Variants in EXOC6 observed in about 807,000 individuals in gnomAD.
EXOC6 encodes the protein SEC15-like 1.
EXOC6 carries 60 observed loss-of-function variants against 112.5 expected under a neutral mutation model. The observed-to-expected ratio is 0.53, with a 90% CI of 0.43 to 0.66. The LOEUF (loss-of-function observed/expected upper bound fraction) is 0.66, where lower values mean the gene tolerates loss of function less well. Ranked by LOEUF, EXOC6 falls within the 30% of genes least tolerant of loss-of-function variation. The pLI is 0.00. For synonymous variants in EXOC6, 295 were observed against 308.0 expected, an observed-to-expected ratio of 0.96 and a Z score of 0.44; for missense variants, 855 against 957.1, an observed-to-expected ratio of 0.89 and a Z score of 1.41.
intron 18 of EXOC6, among the ~76,000 whole-genome samples, chr10:92,975,374 C>T (rs1481412424): frequency 3.3e-5 from 5 of 151,434 alleles, no homozygotes; most frequent in South Asian, 2.1e-4. Flanking sequence ...GCCCGGCAGC[C>T]GCCCCGTCTG....
chr10:93,026,234 A>C (rs373434586), intron 20 of EXOC6, among the ~76,000 whole-genome samples: 6 of 152,186 alleles, frequency 3.9e-5, no homozygotes, highest in African/African-American at 1.4e-4. Context: ...ACATATGCAC[A>C]CATTTCCGTT....
At chr10:92,880,903 C>A (rs905704645) in intron 1 of EXOC6, among the ~76,000 whole-genome samples, 1 of 152,116 alleles carries the variant, frequency 6.6e-6, no homozygotes, top group African/African-American at 2.4e-5. Context: ...AAGTTTAATA[C>A]TATTTTAAAT....
chr10:92,925,014 A>T (rs185499181), intron 8 of EXOC6, among the ~76,000 whole-genome samples: 1 of 152,162 alleles, frequency 6.6e-6, no homozygotes, highest in Non-Finnish European at 1.5e-5. Context: ...CCTTTTTTAT[A>T]TCCCTGATTT....
chr10:93,038,119 G>A (rs892594424), intron 20 of EXOC6, among the ~76,000 whole-genome samples: 7 of 148,684 alleles, frequency 4.7e-5, no homozygotes, highest in African/African-American at 1.7e-4. Flanking sequence ...TTTTGTTACA[G>A]GTTTCTTTCA....
chr10:93,050,589 C>G (rs1285698807), intron 20 of EXOC6, among the ~76,000 whole-genome samples: 1 of 151,232 alleles, frequency 6.6e-6, no homozygotes. Context: ...GAAACCCCAT[C>G]TCTAACTAAA....
intron 5 of EXOC6, chr10:92,901,413 C>T (rs890817567): frequency 2.0e-5 from 3 of 151,734 alleles, no homozygotes; most frequent in Non-Finnish European, 4.4e-5. Context: ...CCCACCACCA[C>T]CTTTTTTCTT....
At chr10:92,850,776 A>G (rs746144729) in intron 1 of EXOC6, among the ~76,000 whole-genome samples, 88 of 152,180 alleles carry the variant, frequency 5.8e-4, no homozygotes, top group Non-Finnish European at 1.1e-3. Context: ...TTTTGTTGTT[A>G]TTTCCTAATT....
intron 1 of EXOC6, among the ~76,000 whole-genome samples, chr10:92,861,761 T>G (rs912795958): frequency 2.0e-5 from 3 of 152,198 alleles, no homozygotes; most frequent in Non-Finnish European, 2.9e-5. Context: ...ATGTAGTATA[T>G]TTTCTTGGAT....
chr10:92,966,682 C>G (rs1402946903), intron 17 of EXOC6, among the ~76,000 whole-genome samples: 5 of 147,996 alleles, frequency 3.4e-5, no homozygotes, highest in Non-Finnish European at 7.5e-5. Flanking sequence ...TTAATCCAGT[C>G]TATCATTGTT....
intron 4 of EXOC6, 152 bp downstream of exon 4, chr10:92,895,172 C>A: frequency 1.6e-6 from 1 of 616,078 alleles, no homozygotes; most frequent in Non-Finnish European, 2.9e-6. Flanking sequence ...CATTTTATTC[C>A]CTGAATATTC....
intron 4 of EXOC6, among the ~76,000 whole-genome samples, chr10:92,895,321 A>G (rs1849691017): frequency 6.6e-6 from 1 of 152,100 alleles, no homozygotes; most frequent in Non-Finnish European, 1.5e-5. Flanking sequence ...TTTCCTCGGA[A>G]TACTTTCCCA....
At chr10:93,017,546 T>C (rs992399122) in intron 20 of EXOC6, among the ~76,000 whole-genome samples, 4 of 151,902 alleles carry the variant, frequency 2.6e-5, no homozygotes, top group African/African-American at 4.8e-5. Flanking sequence ...GCCAAGATCA[T>C]GCCATTGCAC....
intron 6 of EXOC6, among the ~76,000 whole-genome samples, 188 bp from the exon 7 acceptor site, chr10:92,915,565 ATTTTT>A (rs1172917198): frequency 2.9e-4 from 32 of 109,244 alleles, no homozygotes; most frequent in Non-Finnish European, 3.9e-4. Flanking sequence ...TGAGACCCTG[ATTTTT>A]TTTTTTTTTT....
intron 1 of EXOC6, among the ~76,000 whole-genome samples, chr10:92,849,314 T>C (rs1244051422): frequency 6.6e-6 from 1 of 152,218 alleles, no homozygotes; most frequent in Non-Finnish European, 1.5e-5. Context: ...CAGAACAGCT[T>C]TTACTTATTT....
At chr10:92,875,229 CT>C (rs1259456516) in intron 1 of EXOC6, among the ~76,000 whole-genome samples, 4 of 152,130 alleles carry the variant, frequency 2.6e-5, no homozygotes, top group Non-Finnish European at 5.9e-5. Flanking sequence ...ATGCCATGTT[CT>C]TTCCTGTCTG....
intron 1 of EXOC6, among the ~76,000 whole-genome samples, chr10:92,864,952 G>A (rs572547481): frequency 2.5e-4 from 38 of 152,014 alleles, no homozygotes; most frequent in Non-Finnish European, 7.4e-5. Context: ...TATTAGTTTT[G>A]TTCCTTTGGA....
At chr10:92,928,776 C>T (rs187995939) in intron 9 of EXOC6, among the ~76,000 whole-genome samples, 166 of 151,782 alleles carry the variant, frequency 1.1e-3, no homozygotes, top group African/African-American at 3.9e-3. Flanking sequence ...GCTAGATAGA[C>T]ATTTAAAACA....
At chr10:92,960,227 G>A (rs1343578028) in intron 17 of EXOC6, among the ~76,000 whole-genome samples, 2 of 152,166 alleles carry the variant, frequency 1.3e-5, no homozygotes, top group Non-Finnish European at 2.9e-5. Context: ...AAACTTAAAT[G>A]CATATTATTA....
chr10:92,958,087 T>C (rs931504842), intron 17 of EXOC6, among the ~76,000 whole-genome samples: 1 of 152,208 alleles, frequency 6.6e-6, no homozygotes, highest in Non-Finnish European at 1.5e-5. Flanking sequence ...ATTTATGTTA[T>C]GAAATAGCAT....
Sources: allele counts gnomAD v4.1 joint callset (sites outside exome capture counted in the v4.1 genomes callset), GRCh38; gene constraint gnomAD v4.1.1; transcripts MANE v1.5; gene names NCBI Gene and HGNC (gene_info 2026-07-23, HGNC 2026-07-21).